The following VGLL3 variants were observed in gnomAD, a reference collection of about 807,000 sequenced individuals.
VGLL3 encodes the protein transcription cofactor vestigial-like protein 3.
A neutral mutation model predicts 29.2 loss-of-function variants in VGLL3; 18 were observed. The ratio of observed to expected loss-of-function variants is 0.62; its 90% CI spans 0.43 to 0.91. The LOEUF is 0.91. Among genes scored for constraint, VGLL3 ranks in the 40% least tolerant of loss-of-function variants. VGLL3 has a pLI of 0.00. For missense variants in VGLL3, 440 were observed against 413.2 expected (o/e 1.06, Z -0.56); for synonymous variants, 180 against 151.8 (o/e 1.19, Z -1.36).
chr3:86,978,945 CT>C, intron 1 of VGLL3, 143 bp from the exon 2 acceptor site: 1 of 928,040 alleles, frequency 1.1e-6, no homozygotes, highest in Non-Finnish European at 1.5e-6. Context: ...TTTACTCCAT[CT>C]TTTTCCTCCC....
intron 3 of VGLL3, among the ~76,000 whole-genome samples, chr3:86,956,067 A>G (rs1436193045): frequency 6.6e-6 from 1 of 152,240 alleles, no homozygotes; most frequent in Non-Finnish European, 1.5e-5. Context: ...GGGAATAAAC[A>G]GTATCTGTAA....
chr3:86,954,277 G>A (rs1704672707), intron 3 of VGLL3, among the ~76,000 whole-genome samples: 1 of 152,222 alleles, frequency 6.6e-6, no homozygotes, highest in Admixed American at 6.5e-5. Context: ...AAGAAGTACA[G>A]CACCTGCTCA....
chr3:86,976,615 A>G (rs1705216182), intron 2 of VGLL3, among the ~76,000 whole-genome samples: 2 of 152,234 alleles, frequency 1.3e-5, no homozygotes, highest in Non-Finnish European at 2.9e-5. Context: ...CTACAGTTTA[A>G]CATCTGCTAA....
intron 1 of VGLL3, among the ~76,000 whole-genome samples, chr3:86,985,608 T>C (rs561958687): frequency 1.3e-5 from 2 of 152,238 alleles, no homozygotes; most frequent in Admixed American, 6.5e-5. Context: ...GGTCTAATGG[T>C]TCAAGGCAGT....
Position 86,943,202 on chromosome 3 carries a change from T to G in VGLL3, c.*3822A>C, listed in dbSNP as rs945098600. 1 of 152,216 alleles carries G rather than the reference T, an allele frequency of 6.6e-6. No individual in the cohort carries two copies. The highest frequency in any genetic ancestry group is 2.4e-5 in the African/African-American group (1 of 41,464). 9.4% of individuals were successfully genotyped at this position (152,216 alleles called of 1,614,324 possible). On this transcript the variant is annotated 3_prime_UTR_variant, in exon 4 of 4. Transcript: ENST00000398399. ...ATTCATTCTGCTTTCTATTTATCCC[T>G]CATTCAAAACTCTAACATATATACT... is the stretch of plus-strand genomic sequence containing the variant.
chr3:86,968,506 G>C, intron 3 of VGLL3, 84 bp downstream of exon 3: 1 of 1,452,032 alleles, frequency 6.9e-7, no homozygotes, highest in Non-Finnish European at 9.2e-7. Flanking sequence ...TTACAGATAA[G>C]AAAAAATAAT....
intron 3 of VGLL3, among the ~76,000 whole-genome samples, chr3:86,967,146 C>G (rs1452545710): frequency 6.6e-6 from 1 of 151,932 alleles, no homozygotes; most frequent in East Asian, 1.9e-4. Context: ...AAGAACACGC[C>G]CTTTGCCTGC....
rs1193981042 is a variant in VGLL3, at chr3:86,940,754, T to C, written c.*6270A>G. ...ATGAGACCTGCATTTGAAGAGTGAA[T>C]AGAAATAAGAAAATGTTTTCCCAAC... On this transcript the variant is annotated 3_prime_UTR_variant, in exon 4 of 4. Transcript: ENST00000398399. The C allele has an allele frequency of 6.6e-6, 1 of 151,922 alleles. No homozygotes were observed. Among genetic ancestry groups the C allele is most frequent in the Non-Finnish European group, 1.5e-5 (1 of 67,892 alleles). 9.4% of individuals were successfully genotyped at this position (151,922 alleles called of 1,614,324 possible).
intron 3 of VGLL3, among the ~76,000 whole-genome samples, chr3:86,948,775 C>G (rs1020695239): frequency 6.6e-6 from 1 of 151,206 alleles, no homozygotes; most frequent in African/African-American, 2.4e-5. Flanking sequence ...TTTCCCATTT[C>G]GAAAGAAGAG....
rs1438060717 is a variant in VGLL3, at chr3:86,940,532, A to G, written c.*6492T>C. The G allele has an allele frequency of 1.3e-5, 2 of 152,586 alleles. No homozygotes were observed. Among genetic ancestry groups the G allele is most frequent in the Non-Finnish European group, 2.9e-5 (2 of 67,994 alleles). The allele number at this position is 152,586 out of a possible 1,614,324, so 9.5% of individuals were successfully genotyped here. ...CACCTAAGATGTTGTAATTTCCAAAATATTTATAAGATGCTTAATTGAATA... is the reference window on the plus strand; with the variant it reads ...CACCTAAGATGTTGTAATTTCCAAAGTATTTATAAGATGCTTAATTGAATA... On this transcript the variant is annotated 3_prime_UTR_variant, in exon 4 of 4. Coordinates refer to ENST00000398399, the MANE Select transcript of VGLL3 (RefSeq NM_016206.4).
Position 86,990,660 on chromosome 3 carries a change from G to T in VGLL3, c.84C>A (p.Cys28Ter). 3 of 1,401,480 alleles carry T rather than the reference G, an allele frequency of 2.1e-6. No individual in the cohort carries two copies. Among genetic ancestry groups the T allele is most frequent in the Non-Finnish European group, 2.8e-6 (3 of 1,073,788 alleles). The allele number at this position is 1,401,480 out of a possible 1,614,324, so 86.8% of individuals were successfully genotyped here. ...YLPNPMAATTCPTAYYQPAPQ... is the reference protein window; with the variant it reads ...YLPNPMAATT ...GCGCCGGCTGATAGTAGGCTGTGGGGCAGGTTGTCGCTGCCATGGGGTTGG... is the reference window on the plus strand; with the variant it reads ...GCGCCGGCTGATAGTAGGCTGTGGGTCAGGTTGTCGCTGCCATGGGGTTGG... Residue 28 changes from cysteine to a stop codon, truncating the protein, a stop_gained, in exon 1 of 4, where the codon TGC (cysteine) becomes TGA (stop). Transcript: ENST00000398399. LOFTEE classifies it high-confidence loss of function.
At chr3:86,963,735 C>T (rs1181199491) in intron 3 of VGLL3, among the ~76,000 whole-genome samples, 5 of 152,094 alleles carry the variant, frequency 3.3e-5, no homozygotes, top group African/African-American at 9.7e-5. Flanking sequence ...CAAAACAATC[C>T]TATTAGGCAT....
At chr3:86,965,362 G>A (rs1704936442) in intron 3 of VGLL3, among the ~76,000 whole-genome samples, 1 of 152,134 alleles carries the variant, frequency 6.6e-6, no homozygotes, top group Non-Finnish European at 1.5e-5. Flanking sequence ...TCGATGCTGA[G>A]TTTTCAGCTG....
In VGLL3 at chr3:86,957,603, C is replaced by T. The variant is rs1307117778; in HGVS notation, c.938-10536G>A. On this transcript the variant is annotated intron_variant, in intron 3 of 3. Transcript: ENST00000398399. ...GCTGAGGGGTTACAGGCTTACTCAA[C>T]GTAATGCAGCTAATAAGTGGTGATA... is the stretch of plus-strand genomic sequence containing the variant. 5.3e-5 allele frequency among the ~76,000 whole-genome samples: 8 copies of T among 152,138 alleles called. No homozygotes were observed. In the South Asian group the frequency reaches 1.2e-3, roughly 24 times the overall value.
rs570876975 is a variant in VGLL3, at chr3:86,967,361, C to T, written c.937+1229G>A. On this transcript the variant is annotated intron_variant, in intron 3 of 3. Coordinates refer to ENST00000398399, the MANE Select transcript of VGLL3 (RefSeq NM_016206.4). ...CCTGTGCCTGCTGTGCCATCACACA[C>T]GCATCTGCAGAGGGATTACCAAGTC... Among the ~76,000 whole-genome samples the T allele has an allele frequency of 1.4e-4, 22 of 152,248 alleles. No individual in the cohort carries two copies. In the South Asian group the frequency reaches 2.1e-3, roughly 14 times the overall value.
intron 3 of VGLL3, among the ~76,000 whole-genome samples, chr3:86,959,645 G>A (rs1704797875): frequency 6.6e-6 from 1 of 151,946 alleles, no homozygotes; most frequent in South Asian, 2.1e-4. Flanking sequence ...AATATTCAAG[G>A]GTCTTGAGTT....
chr3:86,954,811 G>A (rs1316043747), intron 3 of VGLL3, among the ~76,000 whole-genome samples: 1 of 151,558 alleles, frequency 6.6e-6, no homozygotes, highest in Non-Finnish European at 1.5e-5. Context: ...AAAGAATAAA[G>A]GAAAGGAAGA....
chr3:86,963,493 T>C (rs1383458520), intron 3 of VGLL3, among the ~76,000 whole-genome samples: 1 of 152,188 alleles, frequency 6.6e-6, no homozygotes, highest in East Asian at 1.9e-4. Flanking sequence ...TGATGGAATG[T>C]TCTCTAATTA....
rs1221948252 is a variant in VGLL3 at position 86,938,415 on chromosome 3, T to C, written c.*8609A>G. 2.0e-5 allele frequency: 3 copies of C among 152,660 alleles called. No homozygotes were observed. The highest frequency in any genetic ancestry group is 1.9e-4 in the East Asian group (1 of 5,194). The allele number at this position is 152,660 out of a possible 1,614,324, so 9.5% of individuals were successfully genotyped here. Reference sequence around the variant, plus strand: ...GAAGGAATAGGGGAGTTTAAAGCTATATTTTCCTTTTAGCAAGATCCACAA... The same window carrying C: ...GAAGGAATAGGGGAGTTTAAAGCTACATTTTCCTTTTAGCAAGATCCACAA... On this transcript the variant is annotated 3_prime_UTR_variant, in exon 4 of 4. Transcript: ENST00000398399.
Sources: gnomAD v4.1 joint callset for allele counts (sites outside exome capture counted in the v4.1 genomes callset) on GRCh38, gnomAD v4.1.1 for gene constraint, MANE v1.5 for transcripts, NCBI Gene and HGNC (gene_info 2026-07-23, HGNC 2026-07-21) for gene names.